The following OTUD7A variants were observed in gnomAD, a reference collection of about 807,000 sequenced individuals.
The protein encoded by OTUD7A is OTU deubiquitinase 7A.
A neutral mutation model predicts 65.7 loss-of-function variants in OTUD7A; 12 were observed. The observed-to-expected ratio is 0.18, with a 90% confidence interval of 0.12 to 0.30. The LOEUF is 0.30. Ranked by LOEUF, OTUD7A falls within the 10% of genes least tolerant of loss-of-function variation. The pLI is 1.00. For missense variants in OTUD7A, 1,148 were observed against 1,304.8 expected (o/e 0.88, Z 1.85); for synonymous variants, 641 against 586.3 (o/e 1.09, Z -1.35).
chr15:31,668,192 C>T (rs1892371974), intron 1 of OTUD7A, among the ~76,000 whole-genome samples: 1 of 152,230 alleles, frequency 6.6e-6, no homozygotes, highest in South Asian at 2.1e-4. Flanking sequence ...GACTAGGTCT[C>T]TGGCAAGGCC....
At chr15:31,490,694 G>T (rs901604958) in intron 10 of OTUD7A, among the ~76,000 whole-genome samples, 1 of 152,200 alleles carries the variant, frequency 6.6e-6, no homozygotes, top group Non-Finnish European at 1.5e-5. Context: ...AACCCTGGGG[G>T]CTGAAGATAT....
chr15:31,484,391 C>T lies in OTUD7A; in HGVS notation c.1705G>A (p.Glu569Lys). 6.2e-7 allele frequency: 1 copy of T among 1,601,336 alleles called. No homozygotes were observed. Among genetic ancestry groups the T allele is most frequent in the Non-Finnish European group, 8.5e-7 (1 of 1,179,752 alleles). Residue 569 changes from glutamate to lysine, a missense_variant, in exon 13 of 13, where the codon GAG (glutamate) becomes AAG (lysine). Transcript: ENST00000307050. The surrounding 1 kb of genome is among the most constrained non-coding windows in gnomAD (Gnocchi z 4.5). ...CCCTTGCGCGACTTGGCCTTCTTCT[C>T]CTTGCCCCGCTCGGCCGAGTCCCCG... Reference protein sequence around the residue: ...KNGDSAERGKEKKAKSRKGSK... With the variant: ...KNGDSAERGKKKKAKSRKGSK...
chr15:31,739,493 G>A (rs914371368), intron 1 of OTUD7A, among the ~76,000 whole-genome samples: 6 of 152,200 alleles, frequency 3.9e-5, no homozygotes, highest in South Asian at 2.1e-4. Context: ...AAATATGCAC[G>A]TTGCCATTTC....
At position 31,668,822 on chromosome 15, in the gene OTUD7A, T is replaced by A. The variant is rs150781985; in HGVS notation, c.-99-11745A>T. Among the ~76,000 whole-genome samples the A allele has an allele frequency of 4.3e-3, 661 of 152,308 alleles. 5 individuals are homozygous for A. Among genetic ancestry groups the A allele is most frequent in the African/African-American group, 0.015 (637 of 41,558 alleles). On this transcript the variant is annotated intron_variant, in intron 1 of 12. Transcript: ENST00000307050. ...CTAGGGCTGCAGGCTGTTGTTCAGATTCTTTTGTCTCATGGCGTGTTCCAT... is the reference window on the plus strand; with the variant it reads ...CTAGGGCTGCAGGCTGTTGTTCAGAATCTTTTGTCTCATGGCGTGTTCCAT...
chr15:31,578,295 T>G (rs1889267211), intron 3 of OTUD7A, among the ~76,000 whole-genome samples: 2 of 152,198 alleles, frequency 1.3e-5, no homozygotes, highest in South Asian at 4.1e-4. Context: ...AACATCCACA[T>G]TTAACATCCA....
chr15:31,798,561 G>A (rs938959711), intron 1 of OTUD7A, among the ~76,000 whole-genome samples: 1 of 152,146 alleles, frequency 6.6e-6, no homozygotes, highest in Non-Finnish European at 1.5e-5. Flanking sequence ...GGAGTGCATG[G>A]GCCTGACAGT....
intron 1 of OTUD7A, among the ~76,000 whole-genome samples, chr15:31,669,314 C>T (rs1464194983): frequency 2.0e-5 from 3 of 152,146 alleles, no homozygotes; most frequent in African/African-American, 4.8e-5. Flanking sequence ...TCCTTCGGTG[C>T]GTCTTGCTGA....
intron 3 of OTUD7A, among the ~76,000 whole-genome samples, chr15:31,624,516 C>T (rs1890893172): frequency 6.6e-6 from 1 of 152,090 alleles, no homozygotes; most frequent in Non-Finnish European, 1.5e-5. Flanking sequence ...CCCAGAGGGA[C>T]TTTGGCAAAT....
intron 5 of OTUD7A, among the ~76,000 whole-genome samples, chr15:31,539,775 T>A (rs1356282642): frequency 6.6e-6 from 1 of 152,228 alleles, no homozygotes; most frequent in Non-Finnish European, 1.5e-5. Context: ...TGTACTTCCA[T>A]ACACATAAAG....
chr15:31,757,100 C>T (rs1172984122), intron 1 of OTUD7A, among the ~76,000 whole-genome samples: 1 of 152,152 alleles, frequency 6.6e-6, no homozygotes, highest in African/African-American at 2.4e-5. Context: ...ATGAACCCAA[C>T]TTCACTGTGC....
intron 1 of OTUD7A, among the ~76,000 whole-genome samples, chr15:31,824,769 T>A (rs570950304): frequency 5.3e-5 from 8 of 152,350 alleles, no homozygotes; most frequent in Non-Finnish European, 1.0e-4. Context: ...ATGGCCTGTC[T>A]TATTTTTATG....
chr15:31,844,333 C>T (rs755217581), intron 1 of OTUD7A, among the ~76,000 whole-genome samples: 36 of 152,180 alleles, frequency 2.4e-4, no homozygotes, highest in Non-Finnish European at 4.4e-4. Context: ...AGTGAAACCC[C>T]GTCTCTACTA....
intron 4 of OTUD7A, among the ~76,000 whole-genome samples, chr15:31,567,009 AAC>A (rs1255140649): frequency 5.9e-5 from 9 of 152,256 alleles, no homozygotes; most frequent in Non-Finnish European, 7.3e-5. Context: ...AGAAAGGGCT[AAC>A]ACAGAAAATC....
intron 1 of OTUD7A, among the ~76,000 whole-genome samples, chr15:31,870,176 G>A (rs1180796393): frequency 6.7e-6 from 1 of 149,842 alleles, no homozygotes; most frequent in African/African-American, 2.4e-5. Context: ...ACAGCCAAAG[G>A]GCTGAGCGGA....
intron 10 of OTUD7A, 90 bp downstream of exon 10, chr15:31,501,600 C>T: frequency 6.5e-7 from 1 of 1,548,008 alleles, no homozygotes; most frequent in South Asian, 1.1e-5. Context: ...GGGGTCTCCA[C>T]AATCCACCTC....
At chr15:31,767,988 G>C (rs142800863) in intron 1 of OTUD7A, 1 of 1,580,060 alleles carries the variant, frequency 6.3e-7, no homozygotes, top group East Asian at 2.2e-5. Context: ...TTCCTCAACA[G>C]TTGTTGCCTT....
intron 3 of OTUD7A, among the ~76,000 whole-genome samples, chr15:31,628,364 G>GTT (rs1891030937): frequency 6.6e-6 from 1 of 152,126 alleles, no homozygotes; most frequent in Non-Finnish European, 1.5e-5. Context: ...TTTCCCCATT[G>GTT]CTTGTTTCTG....
chr15:31,831,620 G>A (rs1238113782), intron 1 of OTUD7A, among the ~76,000 whole-genome samples: 1 of 152,192 alleles, frequency 6.6e-6, no homozygotes, highest in Non-Finnish European at 1.5e-5. Context: ...TCTGTGACCC[G>A]ATACCATTCC....
At chr15:31,553,596 G>T (rs1024383061) in intron 5 of OTUD7A, among the ~76,000 whole-genome samples, 8 of 152,046 alleles carry the variant, frequency 5.3e-5, no homozygotes, top group African/African-American at 1.9e-4. Context: ...TCCTCCAGGG[G>T]TCTGCATCTC....
Sources: gnomAD v4.1 joint callset for allele counts (sites outside exome capture counted in the v4.1 genomes callset) on GRCh38, gnomAD v4.1.1 for gene constraint, Gnocchi (gnomAD v3.1) non-coding constraint, MANE v1.5 for transcripts, NCBI Gene and HGNC (gene_info 2026-07-23, HGNC 2026-07-21) for gene names.